Variants in HOXC5 observed in about 807,000 individuals in gnomAD.
HOXC5 encodes homeobox C5.
A neutral mutation model predicts 20.1 loss-of-function variants in HOXC5; 19 were observed. The observed-to-expected ratio is 0.94, with a 90% CI of 0.66 to 1.38. The LOEUF (loss-of-function observed/expected upper bound fraction) is 1.38. HOXC5 is among the 40% of genes most tolerant of loss of function. HOXC5 has a pLI of 0.00. For missense variants in HOXC5, 330 were observed against 300.1 expected, an observed-to-expected ratio of 1.10 and a Z score of -0.74; for synonymous variants, 124 against 117.0, an observed-to-expected ratio of 1.06 and a Z score of -0.39.
upstream of HOXC5, chr12:54,028,821 C>A (rs1161164447): frequency 6.2e-7 from 1 of 1,614,056 alleles, no homozygotes; most frequent in Non-Finnish European, 8.5e-7. Context: ...AGACCTCAAT[C>A]GCTCAGGATT....
upstream of HOXC5, chr12:54,033,035 T>C: frequency 9.4e-7 from 1 of 1,068,138 alleles, no homozygotes; most frequent in Non-Finnish European, 1.4e-6. Flanking sequence ...TTGTCCACTT[T>C]GGAGAACAAA....
chr12:54,035,194 G>C lies in HOXC5; in HGVS notation c.*702G>C, dbSNP rs751090886. On this transcript the variant is annotated 3_prime_UTR_variant, in exon 2 of 2. Transcript: ENST00000312492. ...GCTAGCTCAACTAGTGGGGTTTCCT[G>C]GCACTGGACCCCAGCAAGTGGTCCT... 2.0e-5 allele frequency: 3 copies of C among 153,444 alleles called. No homozygotes were observed. The highest frequency in any genetic ancestry group is 4.4e-5 in the Non-Finnish European group (3 of 68,568). The allele number at this position is 153,444 out of a possible 1,614,324, so 9.5% of individuals were successfully genotyped here.
At chr12:54,030,057 T>C (rs1398545600), upstream of HOXC5, 2 of 1,219,116 alleles carry the variant, frequency 1.6e-6, no homozygotes, top group Admixed American at 5.8e-5. Flanking sequence ...CTGGCACAAT[T>C]GATGTGTTTT....
In HOXC5 at chr12:54,033,171, C is replaced by A. The variant is rs767658858; in HGVS notation, c.49C>A (p.Pro17Thr). The A allele has an allele frequency of 9.9e-6, 16 of 1,614,088 alleles. No homozygotes were observed. The highest frequency in any genetic ancestry group is 5.9e-6 in the Non-Finnish European group (7 of 1,180,036). The change falls in exon 1 of 2, where the codon CCT (proline) becomes ACT (threonine). Residue 17 changes from proline (P) to threonine (T), a missense_variant. Coordinates refer to ENST00000312492, the MANE Select transcript of HOXC5 (RefSeq NM_018953.4). ...ATTCTATAAGCAGAGCCCCAATATC[C>A]CTGCCTATAACATGCAAACTTGTGG... ...NSFYKQSPNI[P>T]AYNMQTCGNY...
chr12:54,026,747 A>G, the HOXC5 span, among the ~76,000 whole-genome samples: 478 of 152,306 alleles, frequency 3.1e-3, 3 homozygotes, highest in African/African-American at 0.011. Flanking sequence ...TTTGGGTTCG[A>G]AACTTTATTT....
At chr12:54,018,742 G>A in the HOXC5 span, among the ~76,000 whole-genome samples, 3 of 152,202 alleles carry the variant, frequency 2.0e-5, no homozygotes, top group African/African-American at 7.2e-5. Flanking sequence ...TACACACCCA[G>A]GCAGACACAC....
In HOXC5 at chr12:54,034,328, G is replaced by A; in HGVS notation, c.505G>A (p.Glu169Lys). 6.2e-7 allele frequency: 1 copy of A among 1,614,188 alleles called. No individual in the cohort carries two copies. Among genetic ancestry groups the A allele is most frequent in the African/African-American group, 1.3e-5 (1 of 75,058 alleles). Residue 169 changes from glutamate to lysine, a missense_variant, in exon 2 of 2, where the codon GAA (glutamate) becomes AAA (lysine). Transcript: ENST00000312492. ...CAGTTACACGCGCTACCAGACTCTG[G>A]AACTCGAGAAAGAATTCCACTTTAA... ...RTSYTRYQTL[E>K]LEKEFHFNRY...
upstream of HOXC5, chr12:54,029,804 C>T: frequency 6.2e-7 from 1 of 1,613,976 alleles, no homozygotes; most frequent in Non-Finnish European, 8.5e-7. Context: ...GACCGAGCGA[C>T]AGATCAAAAT....
chr12:54,023,224 A>C, the HOXC5 span, among the ~76,000 whole-genome samples: 1 of 152,158 alleles, frequency 6.6e-6, no homozygotes, highest in Non-Finnish European at 1.5e-5. Context: ...TTCCAGATGG[A>C]GCTGGAAGGG....
upstream of HOXC5, among the ~76,000 whole-genome samples, chr12:54,032,395 G>A (rs1221736562): frequency 6.6e-6 from 1 of 152,272 alleles, no homozygotes; most frequent in Admixed American, 6.5e-5. Flanking sequence ...TTCAGCAGTA[G>A]TGGAGCCTTA....
upstream of HOXC5, chr12:54,028,262 TA>T (rs1940812793): frequency 5.4e-5 from 4 of 73,508 alleles, no homozygotes; most frequent in African/African-American, 9.1e-5. Flanking sequence ...TATATATATA[TA>T]TATATTTTTT....
upstream of HOXC5, among the ~76,000 whole-genome samples, chr12:54,031,306 A>G (rs73313197): frequency 0.048 from 7,279 of 152,294 alleles, 593 homozygotes; most frequent in African/African-American, 0.17. Context: ...TGCGAAACGT[A>G]GCGGAGGCGG....
rs771739274 is a variant in HOXC5 at position 54,034,450 on chromosome 12, G to A, written c.627G>A (p.Lys209=). The change falls in exon 2 of 2, where the codon AAG becomes AAA. Residue 209 remains lysine, a synonymous_variant. Coordinates refer to ENST00000312492, the MANE Select transcript of HOXC5 (RefSeq NM_018953.4). The part of the protein sequence containing the change: ...IKIWFQNRRM[K]WKKDSKMKSK... ...TCTGGTTCCAGAACCGCAGGATGAAGTGGAAGAAAGATTCCAAAATGAAAA... is the reference window on the plus strand; with the variant it reads ...TCTGGTTCCAGAACCGCAGGATGAAATGGAAGAAAGATTCCAAAATGAAAA... 6.8e-6 allele frequency: 11 copies of A among 1,614,160 alleles called. No homozygotes were observed. Among genetic ancestry groups the A allele is most frequent in the Non-Finnish European group, 8.5e-6 (10 of 1,180,060 alleles).
In HOXC5 at chr12:54,034,511, G is replaced by T; in HGVS notation, c.*19G>T. 3 of 1,598,544 alleles carry T rather than the reference G, an allele frequency of 1.9e-6. No homozygotes were observed. Among genetic ancestry groups the T allele is most frequent in the South Asian group, 1.1e-5 (1 of 90,688 alleles). On this transcript the variant is annotated 3_prime_UTR_variant, in exon 2 of 2. Transcript: ENST00000312492. ...TCTTTAGAGGCAGCGGGGGAGGCCC[G>T]CAGAGCGCGCCCCTAGCCGGTTCCT... is the stretch of plus-strand genomic sequence containing the variant.
chr12:54,028,617 T>G (rs1195849615), upstream of HOXC5: 12 of 1,614,022 alleles, frequency 7.4e-6, no homozygotes, highest in African/African-American at 9.3e-5. Flanking sequence ...CCGCCTATGA[T>G]CCAGTGAGGC....
chr12:54,031,035 AAC>A (rs1481191503), upstream of HOXC5, among the ~76,000 whole-genome samples: 1 of 152,236 alleles, frequency 6.6e-6, no homozygotes, highest in African/African-American at 2.4e-5. Context: ...TGCGCGGAGC[AAC>A]ACACACACCC....
chr12:54,030,811 T>C (rs1940958866), upstream of HOXC5: 1 of 152,264 alleles, frequency 6.6e-6, no homozygotes, highest in Non-Finnish European at 1.5e-5. Context: ...CTGATATTAT[T>C]TTTAAAACTT....
rs917358379 is a variant in HOXC5 at position 54,034,367 on chromosome 12, C to T, written c.544C>T (p.Arg182Cys). The T allele has an allele frequency of 6.2e-7, 1 of 1,614,214 alleles. No individual in the cohort carries two copies. Among genetic ancestry groups the T allele is most frequent in the Admixed American group, 1.7e-5 (1 of 60,034 alleles). ...ATTCCACTTTAACCGCTACCTCACT[C>T]GCCGCAGGCGCATAGAGATCGCCAA... ...KEFHFNRYLT[R>C]RRRIEIANNL... Residue 182 changes from arginine (R) to cysteine (C), a missense_variant, in exon 2 of 2, where the codon CGC (arginine) becomes TGC (cysteine). Physicochemically the swap from Arg to Cys is radical, Grantham distance 180. Coordinates refer to ENST00000312492, the MANE Select transcript of HOXC5 (RefSeq NM_018953.4).
the HOXC5 span, among the ~76,000 whole-genome samples, chr12:54,019,499 C>G: frequency 1.3e-5 from 2 of 152,142 alleles, no homozygotes; most frequent in African/African-American, 4.8e-5. Flanking sequence ...AATCGCCGAC[C>G]GGTGAGGCCT....
Sources: gnomAD v4.1 joint callset for allele counts (sites outside exome capture counted in the v4.1 genomes callset) on GRCh38, gnomAD v4.1.1 for gene constraint, MANE v1.5 for transcripts, NCBI Gene and HGNC (gene_info 2026-07-23, HGNC 2026-07-21) for gene names.